DNAH17: variants seen among roughly 807,000 people sequenced by gnomAD.
DNAH17 encodes dynein axonemal heavy chain 17.
A neutral mutation model predicts 485.6 loss-of-function variants in DNAH17; 376 were observed. The ratio of observed to expected loss-of-function variants is 0.77; its 90% CI spans 0.71 to 0.84. The LOEUF (loss-of-function observed/expected upper bound fraction) is 0.84, where lower values mean the gene tolerates loss of function less well. Ranked by LOEUF, DNAH17 falls within the 40% of genes least tolerant of loss-of-function variation. The pLI is 0.00. For synonymous variants in DNAH17, 3,031 were observed against 2,405.9 expected (o/e 1.26, Z -7.60); for missense variants, 6,370 against 5,839.3 (o/e 1.09, Z -2.96).
At chr17:78,497,808 A>G (rs1339473842) in intron 37 of DNAH17, among the ~76,000 whole-genome samples, 5 of 152,210 alleles carry the variant, frequency 3.3e-5, no homozygotes, top group Non-Finnish European at 7.3e-5. Context: ...GGGAGTCCAC[A>G]TCACTGCCAA....
intron 31 of DNAH17, 30 bp downstream of exon 31, chr17:78,505,263 G>C (rs559793623): frequency 4.3e-6 from 7 of 1,612,712 alleles, no homozygotes; most frequent in Non-Finnish European, 5.1e-6. Context: ...CTTGTCCTGG[G>C]TTCCCTGTGT....
At position 78,496,035 on chromosome 17, in the gene DNAH17, G is replaced by T; in HGVS notation, c.5746-3C>A. 6.2e-7 allele frequency: 1 copy of T among 1,611,168 alleles called. No individual in the cohort carries two copies. Among genetic ancestry groups the T allele is most frequent in the Non-Finnish European group, 8.5e-7 (1 of 1,178,014 alleles). ...ATTGCATCCTGGACACATTTTACCT[G>T]CACGGTTGGTGACACAGACATGTTA... On this transcript the variant is annotated splice_polypyrimidine_tract_variant and splice_region_variant and intron_variant, in intron 37 of 80. Coordinates refer to ENST00000389840, the MANE Select transcript of DNAH17 (RefSeq NM_173628.4).
rs2086783679 is a variant in DNAH17, at chr17:78,434,096, G to C, written c.12158C>G (p.Pro4053Arg). Residue 4053 changes from proline (P) to arginine (R), a missense_variant, in exon 75 of 81, where the codon CCC (proline) becomes CGC (arginine). Coordinates refer to ENST00000389840, the MANE Select transcript of DNAH17 (RefSeq NM_173628.4). ...FGAQGWNRSYPFNNGDLTISI... is the reference protein window; with the variant it reads ...FGAQGWNRSYRFNNGDLTISI... The stretch of plus-strand genomic sequence containing the variant: ...GATGGTGAGGTCCCCGTTGTTGAAG[G>C]GGTACGACCGGTTCCAGCCCTGGGC... 6.2e-7 allele frequency: 1 copy of C among 1,613,646 alleles called. No individual in the cohort carries two copies. The highest frequency in any genetic ancestry group is 8.5e-7 in the Non-Finnish European group (1 of 1,179,824).
intron 54 of DNAH17, 80 bp from the exon 55 acceptor site, chr17:78,468,963 A>G (rs2088618845): frequency 6.7e-7 from 1 of 1,500,328 alleles, no homozygotes; most frequent in Non-Finnish European, 8.9e-7. Context: ...CAACCAGAGC[A>G]CAGGGCCATT....
intron 30 of DNAH17, 24 bp from the exon 31 acceptor site, chr17:78,505,469 A>C: frequency 1.2e-6 from 2 of 1,613,758 alleles, no homozygotes; most frequent in Non-Finnish European, 1.7e-6. Context: ...AGAAGCGGGA[A>C]TTATGCAACG....
chr17:78,461,811 G>T, intron 57 of DNAH17, 103 bp from the exon 58 acceptor site: 2 of 1,162,772 alleles, frequency 1.7e-6, no homozygotes, highest in Non-Finnish European at 2.4e-6. Context: ...GGGCAGAACG[G>T]CAGGGCCGTG....
At chr17:78,439,053 G>A (rs754833246) in intron 73 of DNAH17, 37 bp downstream of exon 73, 89 of 1,603,782 alleles carry the variant, frequency 5.5e-5, no homozygotes, top group Non-Finnish European at 6.5e-5. Flanking sequence ...ACCTCAGTGC[G>A]GGGAGCCCTT....
At position 78,525,066 on chromosome 17, in the gene DNAH17, G is replaced by C; in HGVS notation, c.3807C>G (p.Leu1269=). The change falls in exon 25 of 81, where the codon CTC becomes CTG. Residue 1269 remains leucine (L), a synonymous_variant. Transcript: ENST00000389840. ...GGCGGACCTCCCGGTGGCAGGCCTT[G>C]AGCTGCTTGTAGTCTGGGACGGGGA... ...FEVPVPDYKQ[L]KACHREVRLL... is the part of the protein sequence containing the mutation. 1 of 1,613,812 alleles carries C rather than the reference G, an allele frequency of 6.2e-7. No individual in the cohort carries two copies. Among genetic ancestry groups the C allele is most frequent in the Non-Finnish European group, 8.5e-7 (1 of 1,179,868 alleles).
chr17:78,490,733 G>C lies in DNAH17; in HGVS notation c.6784C>G (p.Leu2262Val). ...CCCAGGTCGGCTGGGTTGATGTAGA[G>C]GATGCCGGCTCTGGAAACGGTGGCT... ...TPATVSRAGI[L>V]YINPADLGWN... Residue 2262 changes from leucine (L) to valine (V), a missense_variant, in exon 44 of 81, where the codon CTC (leucine) becomes GTC (valine). Physicochemically the swap from Leu to Val is conservative, Grantham distance 32 (BLOSUM62 1). Transcript: ENST00000389840. The C allele has an allele frequency of 1.2e-6, 2 of 1,607,980 alleles. No homozygotes were observed. Among genetic ancestry groups the C allele is most frequent in the East Asian group, 2.2e-5 (1 of 44,648 alleles).
intron 56 of DNAH17, among the ~76,000 whole-genome samples, chr17:78,464,985 T>C (rs2088345284): frequency 6.6e-6 from 1 of 152,260 alleles, no homozygotes; most frequent in African/African-American, 2.4e-5. Context: ...CTCCCTCTCA[T>C]GCTGAGCCGA....
chr17:78,445,712 G>A lies in DNAH17; in HGVS notation c.11212-32C>T, dbSNP rs576590630. On this transcript the variant is annotated intron_variant, in intron 69 of 80. Transcript: ENST00000389840. Reference sequence around the variant, plus strand: ...GAACATCGAGGTGTACACACTTAACGCAGCCAGTAAAACGTCAGCAGCCCT... The same window carrying A: ...GAACATCGAGGTGTACACACTTAACACAGCCAGTAAAACGTCAGCAGCCCT... 44 of 1,580,446 alleles carry A rather than the reference G, an allele frequency of 2.8e-5. No homozygotes were observed. In the African/African-American group the frequency reaches 3.8e-4, roughly 14 times the overall value.
Position 78,505,389 on chromosome 17 carries a change from G to C in DNAH17, c.4860C>G (p.Leu1620=), listed in dbSNP as rs758636285. 4 of 1,613,982 alleles carry C rather than the reference G, an allele frequency of 2.5e-6. No homozygotes were observed. Among genetic ancestry groups the C allele is most frequent in the South Asian group, 1.1e-5 (1 of 91,082 alleles). ...FDSLCKLKFR[L]DASDKPLKVG... ...CCTTGAGAGGTTTGTCACTGGCATC[G>C]AGCCGGAACTTCAGTTTACACAGGC... Residue 1620 remains leucine (L), a synonymous_variant, in exon 31 of 81, where the codon CTC becomes CTG. Coordinates refer to ENST00000389840, the MANE Select transcript of DNAH17 (RefSeq NM_173628.4).
Position 78,444,774 on chromosome 17 carries a change from G to T in DNAH17, c.11358C>A (p.Phe3786Leu). 1.3e-6 allele frequency: 2 copies of T among 1,584,908 alleles called. No individual in the cohort carries two copies. Among genetic ancestry groups the T allele is most frequent in the Non-Finnish European group, 1.7e-6 (2 of 1,168,120 alleles). ...CTTCGATGTCACTGTCCAGATTTTT[G>T]AACTCATCCATCTCCGAGAGGGCCT... ...GIKALSEMDE[F>L]KNLDSDIEGS... Residue 3786 changes from phenylalanine to leucine, a missense_variant, in exon 71 of 81, where the codon TTC becomes TTA. Physicochemically the swap from Phe to Leu is conservative, Grantham distance 22. Coordinates refer to ENST00000389840, the MANE Select transcript of DNAH17 (RefSeq NM_173628.4).
chr17:78,463,057 G>T lies in DNAH17; in HGVS notation c.8961C>A (p.Ile2987=). 1 of 1,613,908 alleles carries T rather than the reference G, an allele frequency of 6.2e-7. No homozygotes were observed. The highest frequency in any genetic ancestry group is 1.1e-5 in the South Asian group (1 of 91,060). ...EGIPWEVKAS[I]SFFMSYVHTT... The stretch of plus-strand genomic sequence containing the variant: ...TGTGCACGTAGGACATGAAGAAGCT[G>T]ATGGAGGCCTTGACTTCCCACTACA... Residue 2987 remains isoleucine, a synonymous_variant, in exon 57 of 81, where the codon ATC becomes ATA. Transcript: ENST00000389840.
intron 25 of DNAH17, among the ~76,000 whole-genome samples, chr17:78,523,478 A>AT (rs1390767086): frequency 1.3e-5 from 2 of 152,058 alleles, no homozygotes; most frequent in Non-Finnish European, 2.9e-5. Context: ...ATTGTATTTT[A>AT]TTTTTACAAG....
At chr17:78,452,066 G>A (rs892659372) in intron 65 of DNAH17, among the ~76,000 whole-genome samples, 3 of 151,538 alleles carry the variant, frequency 2.0e-5, no homozygotes, top group Non-Finnish European at 4.4e-5. Context: ...TGTGGGGGGC[G>A]CTTCTCTCCG....
At chr17:78,478,246 ACC>A (rs2089172867) in intron 51 of DNAH17, among the ~76,000 whole-genome samples, 5 of 143,664 alleles carry the variant, frequency 3.5e-5, no homozygotes, top group African/African-American at 5.4e-5. Context: ...CACCATCATC[ACC>A]ACCATCACCA....
At chr17:78,502,458 T>C (rs1342129505) in intron 33 of DNAH17, 133 bp downstream of exon 33, 5 of 835,000 alleles carry the variant, frequency 6.0e-6, no homozygotes, top group Non-Finnish European at 9.0e-6. Context: ...AACGACGGTT[T>C]TGCGGGGCTC....
chr17:78,544,295 G>A (rs796356702), intron 16 of DNAH17, among the ~76,000 whole-genome samples: 6 of 152,326 alleles, frequency 3.9e-5, no homozygotes, highest in African/African-American at 1.2e-4. Flanking sequence ...CTCAGGAAAG[G>A]AGCATCTAAT....
Sources: gnomAD v4.1 joint callset for allele counts (sites outside exome capture counted in the v4.1 genomes callset) on GRCh38, gnomAD v4.1.1 for gene constraint, MANE v1.5 for transcripts, NCBI Gene and HGNC (gene_info 2026-07-23, HGNC 2026-07-21) for gene names.